Variants in COPG1 observed in about 807,000 individuals in gnomAD.
COPG1 encodes coat protein complex I subunit gamma 1, also known as coatomer subunit gamma-1.
COPG1 carries 29 observed loss-of-function variants against 102.8 expected under a neutral mutation model. The ratio of observed to expected loss-of-function variants is 0.28; its 90% CI spans 0.21 to 0.38. The LOEUF (loss-of-function observed/expected upper bound fraction) is 0.38. Ranked by LOEUF, COPG1 falls within the 10% of genes least tolerant of loss-of-function variation. The pLI, the probability that COPG1 is intolerant of heterozygous loss-of-function variation, is 1.00. For missense variants in COPG1, 875 were observed against 1,132.7 expected (o/e 0.77, Z 3.27); for synonymous variants, 406 against 421.6 (o/e 0.96, Z 0.45).
rs144350911 is a variant in COPG1 at position 129,271,832 on chromosome 3, G to A, written c.1909G>A (p.Val637Met). ...GPLFKSSPEP[V>M]ALTESETEYV... Reference sequence around the variant, plus strand: ...CCTCTTCAAGTCCTCGCCTGAGCCCGTGGCCCTCACCGAGTCAGAGACGGA... The same window carrying A: ...CCTCTTCAAGTCCTCGCCTGAGCCCATGGCCCTCACCGAGTCAGAGACGGA... Residue 637 changes from valine to methionine, a missense_variant, in exon 19 of 24, where the codon GTG becomes ATG. By Grantham distance (21) the Val-to-Met change is conservative. Coordinates refer to ENST00000314797, the MANE Select transcript of COPG1 (RefSeq NM_016128.4). The surrounding 1 kb of genome is among the most constrained non-coding windows in gnomAD (Gnocchi z 4.7). The A allele has an allele frequency of 1.1e-5, 18 of 1,614,178 alleles. No individual in the cohort carries two copies. Among genetic ancestry groups the A allele is most frequent in the East Asian group, 4.5e-5 (2 of 44,884 alleles).
At chr3:129,277,263 TATA>T in intron 23 of COPG1, 28 bp from the exon 24 acceptor site, 1 of 1,612,098 alleles carries the variant, frequency 6.2e-7, no homozygotes, top group East Asian at 2.2e-5. Flanking sequence ...CCTTCTGCTG[TATA>T]TATCTGTACT....
At position 129,275,137 on chromosome 3, in the gene COPG1, G is replaced by GT. The variant is rs1237642309; in HGVS notation, c.2396-56dup. 5 of 1,537,674 alleles carry GT rather than the reference G, an allele frequency of 3.3e-6. No homozygotes were observed. In the African/African-American group the frequency reaches 6.8e-5, roughly 21 times the overall value. ...AAGCCCTTCAGAACATGGGGGAGTG[G>GT]TGGTGGCACAAAGGGCAGATAAGAT... On this transcript the variant is annotated intron_variant, in intron 22 of 23. Transcript: ENST00000314797. This position sits in a 1 kb window ranked among gnomAD's most constrained non-coding sequence, Gnocchi z 5.0.
In COPG1 at chr3:129,252,689, A is replaced by G. The variant is rs1939724792; in HGVS notation, c.238A>G (p.Asn80Asp). The change falls in exon 4 of 24, where the codon AAT becomes GAT. Residue 80 changes from asparagine (N) to aspartate (D), a missense_variant. Coordinates refer to ENST00000314797, the MANE Select transcript of COPG1 (RefSeq NM_016128.4). ...TGCCATGACCAAGCTCTTTCAGTCCAATGATGTAAGTGCCTCAACCCAGCT... is the reference window on the plus strand; with the variant it reads ...TGCCATGACCAAGCTCTTTCAGTCCGATGATGTAAGTGCCTCAACCCAGCT... Reference protein sequence around the residue: ...FFAMTKLFQSNDPTLRRMCYL... With the variant: ...FFAMTKLFQSDDPTLRRMCYL... 6.2e-7 allele frequency: 1 copy of G among 1,614,014 alleles called. No individual in the cohort carries two copies. The highest frequency in any genetic ancestry group is 1.3e-5 in the African/African-American group (1 of 75,036).
Position 129,260,750 on chromosome 3 carries a change from C to T in COPG1, c.1071C>T (p.Ile357=), listed in dbSNP as rs140121874. 3,767 of 1,613,002 alleles carry T rather than the reference C, an allele frequency of 2.3e-3. 14 individuals carry two copies. Among genetic ancestry groups the T allele is most frequent in the East Asian group, 8.0e-3 (361 of 44,872 alleles). ...TTAAGACGGGCAGCGAGAGCAGCATCGACCGCCTCATGAAGCAGATCTCCT... is the reference window on the plus strand; with the variant it reads ...TTAAGACGGGCAGCGAGAGCAGCATTGACCGCCTCATGAAGCAGATCTCCT... ...TLLKTGSESS[I]DRLMKQISSF... The change falls in exon 12 of 24, where the codon ATC becomes ATT. Residue 357 remains isoleucine, a synonymous_variant. Transcript: ENST00000314797.
At chr3:129,266,468 C>T (rs953882528) in intron 14 of COPG1, among the ~76,000 whole-genome samples, 3 of 151,752 alleles carry the variant, frequency 2.0e-5, no homozygotes, top group African/African-American at 7.3e-5. Context: ...TGATGTTTAG[C>T]TAAAAAACAA....
chr3:129,258,003 T>A, intron 10 of COPG1, 143 bp downstream of exon 10: 1 of 1,019,100 alleles, frequency 9.8e-7, no homozygotes, highest in Non-Finnish European at 1.4e-6. Flanking sequence ...CCCCAGACAC[T>A]ATGCTGAGTC....
chr3:129,269,074 C>G (rs1940127704), intron 18 of COPG1, 74 bp downstream of exon 18: 1 of 1,292,382 alleles, frequency 7.7e-7, no homozygotes, highest in East Asian at 2.3e-5. Flanking sequence ...TAAGAACTGT[C>G]ATATATTGGT....
chr3:129,260,396 A>G lies in COPG1; in HGVS notation c.935A>G (p.Asn312Ser), dbSNP rs767165798. 1.2e-4 allele frequency: 196 copies of G among 1,613,906 alleles called. 1 individual carries two copies. Among genetic ancestry groups the G allele is most frequent in the South Asian group, 4.5e-4 (41 of 91,088 alleles). ...ALRYAAVRTL[N>S]KVAMKHPSAV... ...CGCTATGCTGCTGTTCGTACCCTCA[A>G]TAAGGTAAGAGTCCAGCTTGGGGGT... is the stretch of plus-strand genomic sequence containing the variant. The change falls in exon 11 of 24, where the codon AAT becomes AGT. Residue 312 changes from asparagine (N) to serine (S), a missense_variant. Physicochemically the swap from Asn to Ser is conservative, Grantham distance 46. Transcript: ENST00000314797.
At chr3:129,265,326 A>T (rs1306520871) in intron 13 of COPG1, among the ~76,000 whole-genome samples, 1 of 152,140 alleles carries the variant, frequency 6.6e-6, no homozygotes, top group Admixed American at 6.5e-5. Flanking sequence ...TCCTGAGCTC[A>T]AGTGGTCCAC....
chr3:129,255,567 C>T (rs940151433), intron 7 of COPG1, among the ~76,000 whole-genome samples: 1 of 151,752 alleles, frequency 6.6e-6, no homozygotes, highest in Non-Finnish European at 1.5e-5. Context: ...ACTGCAACCT[C>T]TGCCTCCCTG....
Position 129,271,893 on chromosome 3 carries a change from A to G in COPG1, c.1970A>G (p.Asn657Ser). ...CGCTGCACCAAACACACCTTCACCAACCACATGGTTTTTCAGGTGAGCAAG... is the reference window on the plus strand; with the variant it reads ...CGCTGCACCAAACACACCTTCACCAGCCACATGGTTTTTCAGGTGAGCAAG... ...VIRCTKHTFT[N>S]HMVFQFDCTN... is the part of the protein sequence containing the mutation. The change falls in exon 19 of 24, where the codon AAC becomes AGC. Residue 657 changes from asparagine to serine, a missense_variant. By Grantham distance (46) the Asn-to-Ser change is conservative (BLOSUM62 1). Coordinates refer to ENST00000314797, the MANE Select transcript of COPG1 (RefSeq NM_016128.4). The surrounding 1 kb of genome is among the most constrained non-coding windows in gnomAD (Gnocchi z 4.7). The G allele has an allele frequency of 6.2e-7, 1 of 1,614,040 alleles. No homozygotes were observed. Among genetic ancestry groups the G allele is most frequent in the Non-Finnish European group, 8.5e-7 (1 of 1,179,996 alleles).
In COPG1 at chr3:129,275,338, T is replaced by C. The variant is rs776822492; in HGVS notation, c.2494+46T>C. 24 of 1,438,576 alleles carry C rather than the reference T, an allele frequency of 1.7e-5. No individual in the cohort carries two copies. The highest frequency in any genetic ancestry group is 2.3e-5 in the Non-Finnish European group (24 of 1,021,970). The allele number at this position is 1,438,576 out of a possible 1,614,324, so 89.1% of individuals were successfully genotyped here. On this transcript the variant is annotated intron_variant, in intron 23 of 23. Transcript: ENST00000314797. The surrounding 1 kb of genome is among the most constrained non-coding windows in gnomAD (Gnocchi z 5.0). ...GGGAGGGCCTGGATAGCTTACAGCC[T>C]GGATGCCACTGGATCCTGGGCTAAG... is the stretch of plus-strand genomic sequence containing the variant.
In COPG1 at chr3:129,249,613, G is replaced by C. The variant is rs1319936894; in HGVS notation, c.-97G>C. ...GCGCTGGGCGACGTGGCCAGTCGGG[G>C]CCCGGAAGTGGTCCCTGTAGAACCA... is the stretch of plus-strand genomic sequence containing the variant. On this transcript the variant is annotated 5_prime_UTR_variant, in exon 1 of 24. Coordinates refer to ENST00000314797, the MANE Select transcript of COPG1 (RefSeq NM_016128.4). 7.1e-7 allele frequency: 1 copy of C among 1,405,610 alleles called. No individual in the cohort carries two copies. Among genetic ancestry groups the C allele is most frequent in the Non-Finnish European group, 9.8e-7 (1 of 1,025,530 alleles). 87.1% of individuals were successfully genotyped at this position (1,405,610 alleles called of 1,614,324 possible).
intron 1 of COPG1, 135 bp from the exon 2 acceptor site, chr3:129,250,547 A>G: frequency 2.9e-6 from 2 of 688,212 alleles, no homozygotes; most frequent in South Asian, 3.5e-5. Flanking sequence ...CAGATTGTAG[A>G]GGCTTGATTG....
chr3:129,254,087 G>A lies in COPG1; in HGVS notation c.324-581G>A, dbSNP rs189758829. On this transcript the variant is annotated intron_variant, in intron 5 of 23. Transcript: ENST00000314797. ...GCCGAGGCGGGTGGATCACAAGGTC[G>A]GGAGTTCAAGACCAGCCTGGCCAAC... Among the ~76,000 whole-genome samples the A allele has an allele frequency of 2.8e-3, 413 of 147,652 alleles. 3 individuals carry two copies. The highest frequency in any genetic ancestry group is 9.6e-3 in the African/African-American group (384 of 40,016).
At chr3:129,255,342 C>T (rs575147197) in intron 7 of COPG1, among the ~76,000 whole-genome samples, 1 of 151,986 alleles carries the variant, frequency 6.6e-6, no homozygotes, top group Non-Finnish European at 1.5e-5. Flanking sequence ...CTGTGCCCAG[C>T]TAATTTTTGT....
Position 129,277,525 on chromosome 3 carries a change from T to C in COPG1, c.*101T>C. 1 of 1,285,284 alleles carries C rather than the reference T, an allele frequency of 7.8e-7. No homozygotes were observed. Among genetic ancestry groups the C allele is most frequent in the East Asian group, 2.5e-5 (1 of 39,250 alleles). The allele number at this position is 1,285,284 out of a possible 1,614,324, so 79.6% of individuals were successfully genotyped here. ...GAAACCCCTTCCCAAGCTTCTGTAT[T>C]GAAAAACAATTAGGAATCATTGCAG... On this transcript the variant is annotated 3_prime_UTR_variant, in exon 24 of 24. Coordinates refer to ENST00000314797, the MANE Select transcript of COPG1 (RefSeq NM_016128.4).
intron 2 of COPG1, chr3:129,250,946 CAG>C (rs1403475317): frequency 1.4e-5 from 6 of 418,472 alleles, no homozygotes; most frequent in East Asian, 1.4e-4. Flanking sequence ...TTTTCTGAGA[CAG>C]AGTCTTGCTC....
intron 5 of COPG1, among the ~76,000 whole-genome samples, chr3:129,253,450 CT>C: frequency 6.6e-6 from 1 of 152,284 alleles, no homozygotes. Flanking sequence ...AAAATATTGT[CT>C]GTCAGTCCCT....
Sources: gnomAD v4.1 joint callset for allele counts (sites outside exome capture counted in the v4.1 genomes callset) on GRCh38, gnomAD v4.1.1 for gene constraint, Gnocchi (gnomAD v3.1) non-coding constraint, MANE v1.5 for transcripts, NCBI Gene and HGNC (gene_info 2026-07-23, HGNC 2026-07-21) for gene names.